Variants in NRG3 observed in about 807,000 individuals in gnomAD.
The protein encoded by NRG3 is neuregulin 3, also known as pro-neuregulin-3, membrane-bound isoform.
In NRG3, 31 loss-of-function variants were observed where a neutral mutation model predicts 66.9. The ratio of observed to expected loss-of-function variants is 0.46; its 90% CI spans 0.35 to 0.63. The LOEUF is 0.63. Among genes scored for constraint, NRG3 ranks in the 20% least tolerant of loss-of-function variants. The pLI is 0.00. For synonymous variants in NRG3, 393 were observed against 359.4 expected, an observed-to-expected ratio of 1.09 and a Z score of -1.06; for missense variants, 910 against 878.9, an observed-to-expected ratio of 1.04 and a Z score of -0.45.
intron 1 of NRG3, among the ~76,000 whole-genome samples, chr10:81,939,955 T>G (rs982498690): frequency 2.6e-5 from 4 of 152,046 alleles, no homozygotes; most frequent in South Asian, 2.1e-4. Context: ...TCCCATGGAT[T>G]TTGGTATGCT....
At chr10:82,931,704 T>C (rs959149712) in intron 4 of NRG3, among the ~76,000 whole-genome samples, 8 of 152,230 alleles carry the variant, frequency 5.3e-5, no homozygotes, top group African/African-American at 1.9e-4. Flanking sequence ...TGTTTTTTAA[T>C]AAAACACTTT....
At chr10:82,781,553 G>A (rs1384235075) in intron 3 of NRG3, among the ~76,000 whole-genome samples, 2 of 152,012 alleles carry the variant, frequency 1.3e-5, no homozygotes, top group Admixed American at 1.3e-4. Flanking sequence ...TGCTTTTTCT[G>A]ATTGGCTCTC....
intron 2 of NRG3, among the ~76,000 whole-genome samples, chr10:82,528,825 C>G (rs1454556921): frequency 1.3e-5 from 2 of 152,054 alleles, no homozygotes; most frequent in Non-Finnish European, 2.9e-5. Context: ...GAAAGACTCT[C>G]TCTCATCATC....
chr10:82,128,491 C>G (rs2068600755), intron 1 of NRG3, among the ~76,000 whole-genome samples: 1 of 151,954 alleles, frequency 6.6e-6, no homozygotes, highest in Non-Finnish European at 1.5e-5. Flanking sequence ...CCAGAGAAAA[C>G]CATTTAGAGG....
rs2072121407 is a variant in NRG3 at position 82,166,959 on chromosome 10, A to G, written c.824-191780A>G. 2.0e-5 allele frequency: 9 copies of G among 447,364 alleles called. No individual in the cohort carries two copies. The East Asian group carries it at 3.0e-4, about 15-fold the overall frequency. 27.7% of individuals were successfully genotyped at this position (447,364 alleles called of 1,614,324 possible). Reference sequence around the variant, plus strand: ...TCTTGCTCGCATTATTTTGATAAGAAATCTGCCATCTTTCTTATCTTTGTT... The same window carrying G: ...TCTTGCTCGCATTATTTTGATAAGAGATCTGCCATCTTTCTTATCTTTGTT... On this transcript the variant is annotated intron_variant, in intron 1 of 8. Transcript: ENST00000372141.
chr10:82,307,105 T>C (rs1281469445), intron 1 of NRG3, among the ~76,000 whole-genome samples: 1 of 152,184 alleles, frequency 6.6e-6, no homozygotes, highest in Non-Finnish European at 1.5e-5. Flanking sequence ...CTATTGTCAA[T>C]TTTTGTTAAT....
intron 1 of NRG3, among the ~76,000 whole-genome samples, chr10:82,343,818 T>C (rs943776131): frequency 6.6e-6 from 1 of 151,956 alleles, no homozygotes; most frequent in Non-Finnish European, 1.5e-5. Flanking sequence ...GGTTCCCAAA[T>C]CTCCTCAGTG....
At chr10:82,833,995 A>G (rs757878579) in intron 3 of NRG3, among the ~76,000 whole-genome samples, 28 of 152,168 alleles carry the variant, frequency 1.8e-4, no homozygotes, top group Admixed American at 3.3e-4. Flanking sequence ...CCTTTGTTTG[A>G]TATACTGCAC....
intron 2 of NRG3, among the ~76,000 whole-genome samples, chr10:82,613,668 CA>C (rs1198974045): frequency 6.6e-6 from 1 of 151,364 alleles, no homozygotes; most frequent in African/African-American, 2.4e-5. Flanking sequence ...TTTAAAGTGC[CA>C]TTTATTTTTA....
At chr10:82,032,329 AT>A (rs967308982) in intron 1 of NRG3, among the ~76,000 whole-genome samples, 77 of 152,094 alleles carry the variant, frequency 5.1e-4, no homozygotes, top group Non-Finnish European at 1.2e-4. Context: ...GAAAAGAGAG[AT>A]TAAAAGTATT....
At chr10:82,809,973 A>G (rs2061427338) in intron 3 of NRG3, among the ~76,000 whole-genome samples, 1 of 150,490 alleles carries the variant, frequency 6.6e-6, no homozygotes, top group East Asian at 2.0e-4. Context: ...GTTGATTTTT[A>G]TATTTCTGCT....
intron 1 of NRG3, among the ~76,000 whole-genome samples, chr10:82,088,305 A>G (rs2065840662): frequency 6.6e-6 from 1 of 152,042 alleles, no homozygotes; most frequent in Non-Finnish European, 1.5e-5. Flanking sequence ...TTTCACTAAG[A>G]GTACTACTCA....
chr10:82,530,445 G>A (rs567032778), intron 2 of NRG3, among the ~76,000 whole-genome samples: 9 of 151,988 alleles, frequency 5.9e-5, no homozygotes, highest in Middle Eastern at 3.4e-3. Context: ...GGTGGCCCTC[G>A]TTTCTCTCTA....
At chr10:82,219,733 G>A (rs1053669195) in intron 1 of NRG3, among the ~76,000 whole-genome samples, 1 of 151,936 alleles carries the variant, frequency 6.6e-6, no homozygotes, top group African/African-American at 2.4e-5. Flanking sequence ...TGGCAAATTA[G>A]TTCTAGATTC....
chr10:82,748,696 G>A (rs2058739445), intron 3 of NRG3, among the ~76,000 whole-genome samples: 3 of 150,464 alleles, frequency 2.0e-5, no homozygotes, highest in African/African-American at 7.3e-5. Context: ...GCCAGGGACT[G>A]TTCTAAGTTT....
chr10:82,102,137 TATATA>T (rs2066788215), intron 1 of NRG3, among the ~76,000 whole-genome samples: 1 of 23,336 alleles, frequency 4.3e-5, no homozygotes, highest in Non-Finnish European at 1.1e-4. Context: ...TGTATTCATA[TATATA>T]TATATATATA....
chr10:81,945,569 T>G (rs1038309916), intron 1 of NRG3, among the ~76,000 whole-genome samples: 6 of 152,172 alleles, frequency 3.9e-5, no homozygotes, highest in African/African-American at 1.4e-4. Flanking sequence ...AGCAATCTTA[T>G]ACTTCAAATC....
chr10:82,007,211 C>CTTTTTTTTTTTT (rs34146080), intron 1 of NRG3, among the ~76,000 whole-genome samples: 2 of 130,552 alleles, frequency 1.5e-5, no homozygotes, highest in African/African-American at 5.7e-5. Context: ...TTTTTCTTTT[C>CTTTTTTTTTTTT]TTTTTTTTTT....
intron 2 of NRG3, among the ~76,000 whole-genome samples, chr10:82,556,039 T>C (rs2044628713): frequency 6.6e-6 from 1 of 152,156 alleles, no homozygotes; most frequent in African/African-American, 2.4e-5. Context: ...CAAATTCAGT[T>C]GCCCCGTATT....
Sources: allele counts gnomAD v4.1 joint callset (sites outside exome capture counted in the v4.1 genomes callset), GRCh38; gene constraint gnomAD v4.1.1; transcripts MANE v1.5; gene names NCBI Gene and HGNC (gene_info 2026-07-23, HGNC 2026-07-21).